The following TTN variants were observed in gnomAD, a reference collection of about 807,000 sequenced individuals.
TTN encodes the protein titin.
Under a neutral mutation model 3,223.0 loss-of-function variants are expected in TTN, and 1,525 were observed. That is an observed-to-expected ratio of 0.47 (90% CI 0.45 to 0.49). TTN has a LOEUF of 0.49. TTN is among the 20% of genes least tolerant of loss of function. The pLI, the probability that TTN is intolerant of heterozygous loss-of-function variation, is 0.00. For missense variants in TTN, 40,786 were observed against 43,424.0 expected, an observed-to-expected ratio of 0.94 and a Z score of 5.40; for synonymous variants, 14,094 against 15,161.0, an observed-to-expected ratio of 0.93 and a Z score of 5.17.
In TTN at chr2:178,573,093, G is replaced by A; in HGVS notation, c.73039C>T (p.Pro24347Ser). ...ATTTCTGAACCACCATCATAGATAG[G>A]TTTATTCCAAGCGATTGAAATGGAT... ...RSSISIAWNK[P>S]IYDGGSEITG... Residue 24347 changes from proline (P) to serine (S), a missense_variant, in exon 326 of 363, where the codon CCT (proline) becomes TCT (serine). Coordinates refer to ENST00000589042, the MANE Select transcript of TTN (RefSeq NM_001267550.2). 3 of 1,613,260 alleles carry A rather than the reference G, an allele frequency of 1.9e-6. No homozygotes were observed. Among genetic ancestry groups the A allele is most frequent in the Non-Finnish European group, 8.5e-7 (1 of 1,179,548 alleles).
rs2075580730 is a variant in TTN at position 178,704,714 on chromosome 2, C to A, written c.29758G>T (p.Glu9920Ter). ...TVLKDNDAVF[E>*]IDIKINYPEI... is the part of the protein sequence containing the mutation. ...GGATAATTAATTTTAATGTCAATTT[C>A]AAAGACAGCATCATTATCTTTCAAA... is the stretch of plus-strand genomic sequence containing the variant. The change falls in exon 105 of 363, where the codon GAA becomes TAA. Residue 9920 changes from glutamate (E) to a stop codon, truncating the protein, a stop_gained. Coordinates refer to ENST00000589042, the MANE Select transcript of TTN (RefSeq NM_001267550.2). LOFTEE classifies it high-confidence loss of function. The A allele has an allele frequency of 6.2e-7, 1 of 1,611,146 alleles. No individual in the cohort carries two copies. Among genetic ancestry groups the A allele is most frequent in the Non-Finnish European group, 8.5e-7 (1 of 1,179,382 alleles).
chr2:178,751,265 A>G, intron 47 of TTN: 1 of 1,608,940 alleles, frequency 6.2e-7, no homozygotes, highest in Non-Finnish European at 8.5e-7. Flanking sequence ...TTTCTCCATT[A>G]ATGTTTTTCT....
chr2:178,726,132 G>C (rs902341332), intron 69 of TTN, 86 bp from the exon 70 acceptor site: 9 of 1,437,632 alleles, frequency 6.3e-6, no homozygotes, highest in Non-Finnish European at 7.4e-6. Flanking sequence ...TTGGAAGAAA[G>C]GTTTAAGATA....
Position 178,654,034 on chromosome 2 carries a change from T to A in TTN, c.38442A>T (p.Lys12814Asn), listed in dbSNP as rs1340243395. Residue 12814 changes from lysine to asparagine, a missense_variant, in exon 194 of 363, where the codon AAA (lysine) becomes AAT (asparagine). Transcript: ENST00000589042. Reference protein sequence around the residue: ...EKKIPKAPIKKPEAPAVTVPE... With the variant: ...EKKIPKAPIKNPEAPAVTVPE... Reference sequence around the variant, plus strand: ...TACCTGTAACTGCGGGGGCTTCTGGTTTTTTGATTGGTGCCTTGGGAATTT... The same window carrying A: ...TACCTGTAACTGCGGGGGCTTCTGGATTTTTGATTGGTGCCTTGGGAATTT... 5 of 1,580,396 alleles carry A rather than the reference T, an allele frequency of 3.2e-6. No individual in the cohort carries two copies. Among genetic ancestry groups the A allele is most frequent in the Admixed American group, 3.5e-5 (2 of 57,264 alleles).
rs879041803 is a variant in TTN at position 178,767,777 on chromosome 2, A to C, written c.9453T>G (p.Ser3151Arg). 6.2e-7 allele frequency: 1 copy of C among 1,614,180 alleles called. No individual in the cohort carries two copies. Among genetic ancestry groups the C allele is most frequent in the Non-Finnish European group, 8.5e-7 (1 of 1,179,994 alleles). Residue 3151 changes from serine to arginine, a missense_variant, in exon 40 of 363, where the codon AGT becomes AGG. Coordinates refer to ENST00000589042, the MANE Select transcript of TTN (RefSeq NM_001267550.2). ...FVEGRDVRIR[S>R]IKKEVQVIEK... ...ACAATACCTGAACCTCCTTTTTAAT[A>C]CTTCGGATGCGAACATCTCTGCCTT...
rs931707459 is a variant in TTN, at chr2:178,554,102, A to G, written c.89009T>C (p.Leu29670Pro). Residue 29670 changes from leucine to proline, a missense_variant, in exon 333 of 363, where the codon CTT becomes CCT. Physicochemically the swap from Leu to Pro is moderately conservative, Grantham distance 98. Coordinates refer to ENST00000589042, the MANE Select transcript of TTN (RefSeq NM_001267550.2). Reference sequence around the variant, plus strand: ...TAGGCTCTTCTTGTCTCGTTTTTCAAGGAAATAGCCACTTATATCACTACC... The same window carrying G: ...TAGGCTCTTCTTGTCTCGTTTTTCAGGGAAATAGCCACTTATATCACTACC... ...DGGSDISGYF[L>P]EKRDKKSLGW... 3 of 1,613,890 alleles carry G rather than the reference A, an allele frequency of 1.9e-6. No homozygotes were observed. Among genetic ancestry groups the G allele is most frequent in the South Asian group, 1.1e-5 (1 of 91,082 alleles).
At chr2:178,629,555 C>G in intron 239 of TTN, 112 bp from the exon 240 acceptor site, 1 of 1,485,618 alleles carries the variant, frequency 6.7e-7, no homozygotes, top group Admixed American at 2.0e-5. Context: ...AGCCACAGGA[C>G]TGGCCACTAT....
chr2:178,794,936 T>G lies in TTN; in HGVS notation c.1231A>C (p.Thr411Pro), dbSNP rs911182620. 19 of 1,602,332 alleles carry G rather than the reference T, an allele frequency of 1.2e-5. No homozygotes were observed. In the African/African-American group the frequency reaches 1.9e-4, roughly 16 times the overall value. The change falls in exon 7 of 363, where the codon ACT (threonine) becomes CCT (proline). Residue 411 changes from threonine to proline, a missense_variant. Transcript: ENST00000589042. ...TCTGACAGTACCTCTTTAGCACCAG[T>G]GGCAACAGCCTCTGCTGCGTAGCTA... ...SASYAAEAVA[T>P]GAKEVKQDAD...
In TTN at chr2:178,539,064, G is replaced by A; in HGVS notation, c.98871C>T (p.Tyr32957=). 1 of 1,613,790 alleles carries A rather than the reference G, an allele frequency of 6.2e-7. No individual in the cohort carries two copies. The highest frequency in any genetic ancestry group is 8.5e-7 in the Non-Finnish European group (1 of 1,179,740). The part of the protein sequence containing the change: ...HNKTQITTTM[Y]TVTGLVPDAE... ...CATCGGGAACAAGCCCTGTGACAGT[G>A]TACATTGTGGTGGTGATCTGAGTCT... Residue 32957 remains tyrosine, a synonymous_variant, in exon 353 of 363, where the codon TAC becomes TAT. Coordinates refer to ENST00000589042, the MANE Select transcript of TTN (RefSeq NM_001267550.2).
chr2:178,634,247 A>G lies in TTN; in HGVS notation c.42415+119T>C. On this transcript the variant is annotated intron_variant, in intron 230 of 362. Coordinates refer to ENST00000589042, the MANE Select transcript of TTN (RefSeq NM_001267550.2). This position sits in a 1 kb window ranked among gnomAD's most constrained non-coding sequence, Gnocchi z 4.6. ...CAAATTAAGGGGGGTTGTTTTGGTA[A>G]CACTGTGAAAGTTAATTAGTGATGC... The G allele has an allele frequency of 6.7e-7, 1 of 1,488,398 alleles. No individual in the cohort carries two copies. The highest frequency in any genetic ancestry group is 8.9e-7 in the Non-Finnish European group (1 of 1,123,626). 92.2% of individuals were successfully genotyped at this position (1,488,398 alleles called of 1,614,324 possible).
chr2:178,663,950 A>G lies in TTN; in HGVS notation c.36365-48T>C, dbSNP rs1329387472. 3.1e-6 allele frequency: 5 copies of G among 1,612,412 alleles called. No individual in the cohort carries two copies. The South Asian group carries it at 3.3e-5, about 11-fold the overall frequency. On this transcript the variant is annotated intron_variant, in intron 169 of 362. Transcript: ENST00000589042. ...ACATTTAGGTGTTATGAAGACCGCT[A>G]GAAAAAAATATTGTCAAGAGCAGAA...
chr2:178,636,286 A>C lies in TTN; in HGVS notation c.41330-45T>G. 1.4e-6 allele frequency: 2 copies of C among 1,478,680 alleles called. No homozygotes were observed. Among genetic ancestry groups the C allele is most frequent in the South Asian group, 2.9e-5 (2 of 70,014 alleles). The allele number at this position is 1,478,680 out of a possible 1,614,324, so 91.6% of individuals were successfully genotyped here. ...ATATTTCAATAAATACAATATTTTC[A>C]ATGAAATAAAACTTGGAAATAAGAG... On this transcript the variant is annotated intron_variant, in intron 225 of 362. Transcript: ENST00000589042. The surrounding 1 kb of genome is among the most constrained non-coding windows in gnomAD (Gnocchi z 4.3).
rs374168239 is a variant in TTN, at chr2:178,717,650, T to C, written c.25224A>G (p.Thr8408=). Residue 8408 remains threonine (T), a synonymous_variant, in exon 87 of 363, where the codon ACA becomes ACG. Transcript: ENST00000589042. The part of the protein sequence containing the change: ...VLLKDDANLQ[T]SFVHNVATLQ... ...GAGTTGCTACATTATGAACAAAAGA[T>C]GTCTGCAAATTAGCATCATCTTTCA... The C allele has an allele frequency of 3.1e-6, 5 of 1,613,444 alleles. No homozygotes were observed. The East Asian group carries it at 6.7e-5, about 22-fold the overall frequency.
intron 47 of TTN, chr2:178,750,538 T>A: frequency 6.2e-7 from 1 of 1,612,626 alleles, no homozygotes; most frequent in Non-Finnish European, 8.5e-7. Context: ...CTTCATAAAC[T>A]TCTTGAGATT....
chr2:178,701,414 G>T, intron 110 of TTN, 114 bp downstream of exon 110: 3 of 1,156,436 alleles, frequency 2.6e-6, no homozygotes, highest in Non-Finnish European at 1.2e-6. Context: ...ATATGACATG[G>T]AAGGTTTTGT....
At chr2:178,600,171 G>T (rs1376444074) in intron 288 of TTN, among the ~76,000 whole-genome samples, 2 of 151,860 alleles carry the variant, frequency 1.3e-5, no homozygotes, top group African/African-American at 4.8e-5. Flanking sequence ...TGTAGTAGGA[G>T]AGTATCATGG....
intron 311 of TTN, 53 bp downstream of exon 311, chr2:178,584,223 G>A (rs564624029): frequency 2.0e-6 from 3 of 1,506,936 alleles, no homozygotes; most frequent in East Asian, 2.3e-5. Flanking sequence ...AGATTTAAAT[G>A]TGCCTCCATA....
At position 178,609,689 on chromosome 2, in the gene TTN, G is replaced by T; in HGVS notation, c.51734C>A (p.Pro17245His). ...CTCCATGAAACAAAACTTACCAATG[G>T]GATCTACAGCTTTGGTTGGAGGAGT... is the stretch of plus-strand genomic sequence containing the variant. ...RATPPTKAVD[P>H]IDAPKVILRT... The change falls in exon 272 of 363, where the codon CCC (proline) becomes CAC (histidine). Residue 17245 changes from proline (P) to histidine (H), a missense_variant. Pro to His is a moderately conservative substitution (Grantham distance 77). Coordinates refer to ENST00000589042, the MANE Select transcript of TTN (RefSeq NM_001267550.2). The T allele has an allele frequency of 6.3e-7, 1 of 1,576,654 alleles. No homozygotes were observed. Among genetic ancestry groups the T allele is most frequent in the Non-Finnish European group, 8.6e-7 (1 of 1,160,788 alleles).
intron 221 of TTN, 130 bp from the exon 222 acceptor site, chr2:178,640,240 G>T: frequency 2.4e-6 from 2 of 818,700 alleles, no homozygotes; most frequent in Non-Finnish European, 3.7e-6. Context: ...ATCAAATCAA[G>T]TATTTGATTA....
Sources: gnomAD v4.1 joint callset for allele counts (sites outside exome capture counted in the v4.1 genomes callset) on GRCh38, gnomAD v4.1.1 for gene constraint, Gnocchi (gnomAD v3.1) non-coding constraint, MANE v1.5 for transcripts, NCBI Gene and HGNC (gene_info 2026-07-23, HGNC 2026-07-21) for gene names.